ASTN1: variants seen among roughly 807,000 people sequenced by gnomAD.
ASTN1 encodes astrotactin-1.
A neutral mutation model predicts 140.7 loss-of-function variants in ASTN1; 41 were observed. The ratio of observed to expected loss-of-function variants is 0.29; its 90% CI spans 0.23 to 0.38. The LOEUF (loss-of-function observed/expected upper bound fraction) is 0.38, where lower values mean the gene tolerates loss of function less well. ASTN1 is among the 10% of genes least tolerant of loss of function. ASTN1 has a pLI of 1.00. For missense variants in ASTN1, 1,479 were observed against 1,678.8 expected (o/e 0.88, Z 2.08); for synonymous variants, 640 against 652.2 (o/e 0.98, Z 0.29).
intron 1 of ASTN1, among the ~76,000 whole-genome samples, chr1:177,085,643 T>C (rs1679428201): frequency 6.6e-6 from 1 of 152,090 alleles, no homozygotes; most frequent in Non-Finnish European, 1.5e-5. Flanking sequence ...GCAGCCCAGG[T>C]GGTAACATGC....
Position 176,948,492 on chromosome 1 carries a change from C to T in ASTN1, c.2054+693G>A, listed in dbSNP as rs1001874586. On this transcript the variant is annotated intron_variant, in intron 12 of 22. Transcript: ENST00000361833. Reference sequence around the variant, plus strand: ...AAATCAGGGAGGGCCTGAATCCAGTCGTAATCTTCTCACTCACCATCTTCC... The same window carrying T: ...AAATCAGGGAGGGCCTGAATCCAGTTGTAATCTTCTCACTCACCATCTTCC... Among the ~76,000 whole-genome samples, 9 of 152,284 alleles carry T rather than the reference C, an allele frequency of 5.9e-5. No individual in the cohort carries two copies. In the South Asian group the frequency reaches 1.2e-3, roughly 21 times the overall value.
At position 177,132,781 on chromosome 1, in the gene ASTN1, T is replaced by A. The variant is rs115764297; in HGVS notation, c.283+31613A>T. Among the ~76,000 whole-genome samples the A allele has an allele frequency of 5.5e-3, 837 of 152,294 alleles. 7 individuals carry two copies. Among genetic ancestry groups the A allele is most frequent in the African/African-American group, 0.019 (802 of 41,558 alleles). ...TAGCAAACTGCCTGTGTTTAGCAGG[T>A]CTAAACTGCTATGATGCCAGTAAAG... On this transcript the variant is annotated intron_variant, in intron 1 of 22. Transcript: ENST00000361833.
intron 21 of ASTN1, among the ~76,000 whole-genome samples, chr1:176,874,688 T>A (rs1668488658): frequency 6.6e-6 from 1 of 152,194 alleles, no homozygotes; most frequent in South Asian, 2.1e-4. Context: ...TAATGGCAGC[T>A]AACTTTTACT....
intron 8 of ASTN1, among the ~76,000 whole-genome samples, chr1:176,973,687 C>T (rs972604243): frequency 1.3e-5 from 2 of 152,208 alleles, no homozygotes; most frequent in Non-Finnish European, 2.9e-5. Flanking sequence ...ACATGATGTG[C>T]TTCCTCAATA....
At chr1:176,859,838 T>C (rs1667912472), downstream of ASTN1, among the ~76,000 whole-genome samples, 1 of 152,218 alleles carries the variant, frequency 6.6e-6, no homozygotes, top group Non-Finnish European at 1.5e-5. Flanking sequence ...AACCATTTTA[T>C]TATGTTACAT....
chr1:176,932,655 C>A (rs1280980247), intron 16 of ASTN1, among the ~76,000 whole-genome samples: 3 of 152,180 alleles, frequency 2.0e-5, no homozygotes, highest in Non-Finnish European at 4.4e-5. Flanking sequence ...CAAAACTAGC[C>A]CCTGATTGGC....
chr1:176,918,346 C>T (rs1167096750), intron 16 of ASTN1, among the ~76,000 whole-genome samples: 1 of 152,140 alleles, frequency 6.6e-6, no homozygotes, highest in Non-Finnish European at 1.5e-5. Flanking sequence ...CTGACTTCTC[C>T]TCTGAGCTCC....
rs201071031 is a variant in ASTN1, at chr1:176,894,741, C to T, written c.2761G>A (p.Gly921Ser). 1.4e-4 allele frequency: 231 copies of T among 1,614,062 alleles called. 1 individual carries two copies. The East Asian group carries it at 4.4e-3, about 31-fold the overall frequency. ...PEYITSLSDS[G>S]TKHMAAGVRM... is the part of the protein sequence containing the mutation. ...ACTCCAGCCGCCATGTGCTTGGTGC[C>T]GGAGTCTGACAAGCTGGTGATGTAT... The change falls in exon 17 of 23, where the codon GGC (glycine) becomes AGC (serine). Residue 921 changes from glycine to serine, a missense_variant. Gly to Ser is a moderately conservative substitution (Grantham distance 56, BLOSUM62 0). Transcript: ENST00000361833.
chr1:176,933,628 T>C (rs1050383171), intron 16 of ASTN1, among the ~76,000 whole-genome samples: 6 of 152,236 alleles, frequency 3.9e-5, no homozygotes, highest in African/African-American at 1.4e-4. Context: ...GAGGCTGTTA[T>C]TCAGAGCTAT....
At chr1:177,000,954 G>A (rs981513676) in intron 8 of ASTN1, among the ~76,000 whole-genome samples, 1 of 152,170 alleles carries the variant, frequency 6.6e-6, no homozygotes, top group Non-Finnish European at 1.5e-5. Flanking sequence ...CAGCGATTCA[G>A]CTGGTATTCC....
In ASTN1 at chr1:176,862,064, T is replaced by A; in HGVS notation, c.*2220A>T. ...TATGAATAGAAGGATGGCAAAACAG[T>A]AGCAGCAAAGAGATGCTCTGGGCCC... On this transcript the variant is annotated 3_prime_UTR_variant, in exon 23 of 23. Coordinates refer to ENST00000361833, the MANE Select transcript of ASTN1 (RefSeq NM_004319.3). The A allele has an allele frequency of 1.0e-6, 1 of 985,340 alleles. No individual in the cohort carries two copies. The highest frequency in any genetic ancestry group is 1.2e-6 in the Non-Finnish European group (1 of 829,926). 61.0% of individuals were successfully genotyped at this position (985,340 alleles called of 1,614,324 possible).
chr1:176,889,688 C>T (rs1669184041), intron 17 of ASTN1, among the ~76,000 whole-genome samples: 4 of 152,316 alleles, frequency 2.6e-5, no homozygotes, highest in African/African-American at 9.6e-5. Flanking sequence ...ATGATTATAA[C>T]TATCATTTGT....
At chr1:177,128,519 A>T (rs545356096) in intron 1 of ASTN1, among the ~76,000 whole-genome samples, 22 of 152,218 alleles carry the variant, frequency 1.4e-4, no homozygotes, top group Non-Finnish European at 2.8e-4. Flanking sequence ...CATTTGGAGA[A>T]CTAACAGTAC....
rs771185748 is a variant in ASTN1 at position 176,876,528 on chromosome 1, G to T, written c.3463+9C>A. The T allele has an allele frequency of 6.2e-7, 1 of 1,614,014 alleles. No homozygotes were observed. Among genetic ancestry groups the T allele is most frequent in the Middle Eastern group, 1.7e-4 (1 of 6,060 alleles). On this transcript the variant is annotated intron_variant, in intron 21 of 22. Transcript: ENST00000361833. Reference sequence around the variant, plus strand: ...CTTCAGAAACACTGCTAACTTCGATGTCTCTTACCTTGAGCCTTGACATCA... The same window carrying T: ...CTTCAGAAACACTGCTAACTTCGATTTCTCTTACCTTGAGCCTTGACATCA...
At chr1:176,866,526 G>A (rs182110930) in intron 22 of ASTN1, among the ~76,000 whole-genome samples, 1 of 152,202 alleles carries the variant, frequency 6.6e-6, no homozygotes, top group East Asian at 1.9e-4. Context: ...AAGAGGGAGT[G>A]GCAGAAGAGG....
chr1:176,877,536 C>T (rs1004138174), intron 20 of ASTN1, among the ~76,000 whole-genome samples: 1 of 152,144 alleles, frequency 6.6e-6, no homozygotes. Flanking sequence ...AAAATGAAAA[C>T]CTGGCTATTA....
chr1:176,988,821 C>T (rs528476822), intron 8 of ASTN1, among the ~76,000 whole-genome samples: 1 of 152,210 alleles, frequency 6.6e-6, no homozygotes, highest in Admixed American at 6.5e-5. Flanking sequence ...TGAAGGAAAC[C>T]AAGATTCAGC....
At position 176,934,136 on chromosome 1, in the gene ASTN1, C is replaced by A; in HGVS notation, c.2671+16G>T. On this transcript the variant is annotated intron_variant, in intron 16 of 22. Transcript: ENST00000361833. ...TGGCATGAGGTATGGAATTTGCCAACAAGCATGCCACTCACCTTTACTGAT... is the reference window on the plus strand; with the variant it reads ...TGGCATGAGGTATGGAATTTGCCAAAAAGCATGCCACTCACCTTTACTGAT... 3 of 1,592,598 alleles carry A rather than the reference C, an allele frequency of 1.9e-6. No individual in the cohort carries two copies. Among genetic ancestry groups the A allele is most frequent in the Non-Finnish European group, 1.7e-6 (2 of 1,163,220 alleles).
intron 8 of ASTN1, 99 bp from the exon 9 acceptor site, chr1:176,965,336 C>A: frequency 8.8e-7 from 1 of 1,136,280 alleles, no homozygotes; most frequent in South Asian, 1.4e-5. Context: ...GACACCCAGC[C>A]ATCCAGGGCA....
Sources: allele counts gnomAD v4.1 joint callset (sites outside exome capture counted in the v4.1 genomes callset), GRCh38; gene constraint gnomAD v4.1.1; transcripts MANE v1.5; gene names NCBI Gene and HGNC (gene_info 2026-07-23, HGNC 2026-07-21).